The following CLEC9A variants were observed in gnomAD, a reference collection of about 807,000 sequenced individuals.
CLEC9A encodes the protein C-type lectin domain family 9 member A.
In CLEC9A, 24 loss-of-function variants were observed where a neutral mutation model predicts 30.0. The observed-to-expected ratio is 0.80, with a 90% CI of 0.58 to 1.13. CLEC9A has a LOEUF of 1.13. Ranked by LOEUF, CLEC9A falls within the 50% of genes most tolerant of loss-of-function variation. CLEC9A has a pLI of 0.00. For missense variants in CLEC9A, 251 were observed against 280.9 expected, an observed-to-expected ratio of 0.89 and a Z score of 0.76; for synonymous variants, 111 against 96.8, an observed-to-expected ratio of 1.15 and a Z score of -0.86.
chr12:10,065,003 A>G (rs1176453079), intron 8 of CLEC9A, 150 bp downstream of exon 8: 1 of 916,620 alleles, frequency 1.1e-6, no homozygotes, highest in Admixed American at 3.5e-5. Context: ...AACAAAATTA[A>G]GAGTAGCTTC....
At chr12:10,035,978 T>G (rs1365867232) in intron 1 of CLEC9A, among the ~76,000 whole-genome samples, 1 of 152,260 alleles carries the variant, frequency 6.6e-6, no homozygotes, top group African/African-American at 2.4e-5. Context: ...CCCTGCCTGA[T>G]AAACATTGCC....
intron 1 of CLEC9A, among the ~76,000 whole-genome samples, chr12:10,039,175 T>A (rs966308411): frequency 6.6e-6 from 1 of 152,230 alleles, no homozygotes; most frequent in Non-Finnish European, 1.5e-5. Flanking sequence ...CTGCTGATCC[T>A]GTGCATGGGG....
intron 2 of CLEC9A, among the ~76,000 whole-genome samples, chr12:10,044,330 A>G (rs1013696341): frequency 4.6e-5 from 7 of 152,206 alleles, no homozygotes; most frequent in Non-Finnish European, 8.8e-5. Flanking sequence ...CTTGTACAAT[A>G]TGATCATTAC....
chr12:10,042,941 A>G (rs1483321196), intron 2 of CLEC9A, among the ~76,000 whole-genome samples: 1 of 152,202 alleles, frequency 6.6e-6, no homozygotes, highest in African/African-American at 2.4e-5. Flanking sequence ...ATAATCCTCA[A>G]TTGATTGAAG....
At position 10,065,891 on chromosome 12, in the gene CLEC9A, G is replaced by T. The variant is rs1866041834; in HGVS notation, c.*259G>T. On this transcript the variant is annotated 3_prime_UTR_variant, in exon 9 of 9. Transcript: ENST00000355819. ...CCTGAAGAGTTAAGAACAAACGCAAGGAAATAATTTTTATTGTTTAAAGCC... is the reference window on the plus strand; with the variant it reads ...CCTGAAGAGTTAAGAACAAACGCAATGAAATAATTTTTATTGTTTAAAGCC... The T allele has an allele frequency of 3.1e-6, 1 of 318,960 alleles. No individual in the cohort carries two copies. The highest frequency in any genetic ancestry group is 8.6e-4 in the Middle Eastern group (1 of 1,158). 19.8% of individuals were successfully genotyped at this position (318,960 alleles called of 1,614,324 possible). A position where few individuals can be genotyped will look rare whatever the true frequency, so the allele number is the denominator to read the frequency against.
At chr12:10,063,463 A>G (rs1435402058) in intron 7 of CLEC9A, among the ~76,000 whole-genome samples, 1 of 152,176 alleles carries the variant, frequency 6.6e-6, no homozygotes, top group Non-Finnish European at 1.5e-5. Flanking sequence ...TAAAAAGAGG[A>G]GGGAATAAGG....
chr12:10,060,322 A>T (rs554177873), intron 5 of CLEC9A, among the ~76,000 whole-genome samples: 1 of 152,368 alleles, frequency 6.6e-6, no homozygotes, highest in South Asian at 2.1e-4. Flanking sequence ...TCAGTGGATG[A>T]ACAGTTAAAC....
chr12:10,043,609 A>AGTGTGTGTGT (rs34659428), intron 2 of CLEC9A, among the ~76,000 whole-genome samples: 5 of 144,044 alleles, frequency 3.5e-5, no homozygotes, highest in African/African-American at 1.3e-4. Flanking sequence ...ACCATGGAAC[A>AGTGTGTGTGT]GTGTGTGTGT....
chr12:10,036,745 A>G (rs73054656), intron 1 of CLEC9A, among the ~76,000 whole-genome samples: 9 of 152,342 alleles, frequency 5.9e-5, no homozygotes, highest in Non-Finnish European at 1.2e-4. Context: ...AAAGACATCA[A>G]AGTGTAGTAG....
chr12:10,060,341 G>T (rs1344814952), intron 5 of CLEC9A, among the ~76,000 whole-genome samples: 1 of 152,174 alleles, frequency 6.6e-6, no homozygotes, highest in Non-Finnish European at 1.5e-5. Flanking sequence ...ACTAGTAGTG[G>T]TAATTCATAT....
intron 2 of CLEC9A, among the ~76,000 whole-genome samples, chr12:10,049,239 A>G (rs978400023): frequency 6.6e-6 from 1 of 152,100 alleles, no homozygotes; most frequent in East Asian, 1.9e-4. Flanking sequence ...TGTCATCCAG[A>G]CTTTGTTGTT....
intron 7 of CLEC9A, among the ~76,000 whole-genome samples, chr12:10,064,530 T>C (rs542672822): frequency 2.0e-5 from 3 of 152,302 alleles, no homozygotes; most frequent in African/African-American, 4.8e-5. Context: ...TTTTTCATAG[T>C]TTTTAACACC....
At chr12:10,051,846 G>A (rs1308389288) in intron 2 of CLEC9A, 145 bp from the exon 3 acceptor site, 1 of 152,184 alleles carries the variant, frequency 6.6e-6, no homozygotes, top group South Asian at 2.1e-4. Context: ...AGCTTGCTGT[G>A]CAGGCAAAAA....
chr12:10,038,433 C>G (rs1202375498), intron 1 of CLEC9A, among the ~76,000 whole-genome samples: 1 of 152,036 alleles, frequency 6.6e-6, no homozygotes, highest in East Asian at 1.9e-4. Context: ...CAAGCTATGC[C>G]AAAAGGCGTG....
chr12:10,065,828 C>A lies in CLEC9A; in HGVS notation c.*196C>A. On this transcript the variant is annotated 3_prime_UTR_variant, in exon 9 of 9. Coordinates refer to ENST00000355819, the MANE Select transcript of CLEC9A (RefSeq NM_207345.4). ...ATTTCATTTGATGTTGTTCACATTG[C>A]AAGAGTAAAACTTATTTAGAGCTAC... 1 of 524,806 alleles carries A rather than the reference C, an allele frequency of 1.9e-6. No individual in the cohort carries two copies. Among genetic ancestry groups the A allele is most frequent in the Non-Finnish European group, 3.3e-6 (1 of 302,388 alleles). 32.5% of individuals were successfully genotyped at this position (524,806 alleles called of 1,614,324 possible).
chr12:10,035,993 T>C (rs1865741574), intron 1 of CLEC9A, among the ~76,000 whole-genome samples: 1 of 152,248 alleles, frequency 6.6e-6, no homozygotes, highest in Non-Finnish European at 1.5e-5. Flanking sequence ...ATTGCCTTCT[T>C]CTTTTTCTTC....
chr12:10,042,498 C>T (rs1267308324), intron 2 of CLEC9A, among the ~76,000 whole-genome samples: 1 of 152,280 alleles, frequency 6.6e-6, no homozygotes, highest in Non-Finnish European at 1.5e-5. Flanking sequence ...TTACCTATTC[C>T]TTCATTAATT....
At chr12:10,053,983 AGTTT>A (rs1865917586) in intron 4 of CLEC9A, among the ~76,000 whole-genome samples, 1 of 152,204 alleles carries the variant, frequency 6.6e-6, no homozygotes, top group Non-Finnish European at 1.5e-5. Context: ...ACATATAATT[AGTTT>A]GTTTAAGGTG....
chr12:10,042,018 C>T (rs1865802124), intron 2 of CLEC9A, among the ~76,000 whole-genome samples: 1 of 152,134 alleles, frequency 6.6e-6, no homozygotes, highest in South Asian at 2.1e-4. Flanking sequence ...TCCACTCCAA[C>T]AAAATAAGAG....
Sources: gnomAD v4.1 joint callset for allele counts (sites outside exome capture counted in the v4.1 genomes callset) on GRCh38, gnomAD v4.1.1 for gene constraint, MANE v1.5 for transcripts, NCBI Gene and HGNC (gene_info 2026-07-23, HGNC 2026-07-21) for gene names.